Variants in ARID3A observed in about 807,000 individuals in gnomAD.
The protein encoded by ARID3A is AT-rich interaction domain 3A.
A neutral mutation model predicts 52.7 loss-of-function variants in ARID3A; 11 were observed. That is an observed-to-expected ratio of 0.21 (90% CI 0.13 to 0.35). ARID3A has a LOEUF of 0.35. Among genes scored for constraint, ARID3A ranks in the 10% least tolerant of loss-of-function variants. ARID3A has a pLI of 1.00. For synonymous variants in ARID3A, 404 were observed against 359.4 expected, an observed-to-expected ratio of 1.12 and a Z score of -1.40; for missense variants, 721 against 838.5, an observed-to-expected ratio of 0.86 and a Z score of 1.73.
Position 939,723 on chromosome 19 carries a change from G to A in ARID3A, c.693+6981G>A, listed in dbSNP as rs376891142. 3.2e-4 allele frequency among the ~76,000 whole-genome samples: 49 copies of A among 152,188 alleles called. No homozygotes were observed. The South Asian group carries it at 8.7e-3, about 27-fold the overall frequency. The stretch of plus-strand genomic sequence containing the variant: ...CCTGGTTCTTTTCAGCTGTATGGAC[G>A]TTCCCCTCGTGGCGCTGGACACCCC... On this transcript the variant is annotated intron_variant, in intron 3 of 8. Transcript: ENST00000263620.
At chr19:930,369 T>A (rs370213651) in intron 2 of ARID3A, among the ~76,000 whole-genome samples, 71 of 151,000 alleles carry the variant, frequency 4.7e-4, no homozygotes, top group South Asian at 1.1e-3. Context: ...CCGGCCAACA[T>A]GGCGAAACCC....
chr19:952,325 C>G, intron 3 of ARID3A, among the ~76,000 whole-genome samples: 1 of 149,812 alleles, frequency 6.7e-6, no homozygotes, highest in Non-Finnish European at 1.5e-5. Flanking sequence ...GCCTGGGGTC[C>G]CAACTACTCC....
chr19:962,528 T>TG (rs2038063950), intron 4 of ARID3A, among the ~76,000 whole-genome samples: 1 of 150,628 alleles, frequency 6.6e-6, no homozygotes, highest in South Asian at 2.1e-4. Context: ...TTTTTTTTTT[T>TG]TTTGAGACAG....
At chr19:952,441 CAAAA>C (rs10663796) in intron 3 of ARID3A, among the ~76,000 whole-genome samples, 66 of 59,768 alleles carry the variant, frequency 1.1e-3, no homozygotes, top group Admixed American at 2.2e-3. Context: ...GACCCTGTCT[CAAAA>C]AAAAAAAAAA....
chr19:964,735 G>A lies in ARID3A; in HGVS notation c.951-98G>A. 6.7e-7 allele frequency: 1 copy of A among 1,498,252 alleles called. No homozygotes were observed. The highest frequency in any genetic ancestry group is 1.8e-4 in the Middle Eastern group (1 of 5,644). The allele number at this position is 1,498,252 out of a possible 1,614,324, so 92.8% of individuals were successfully genotyped here. A position where few individuals can be genotyped will look rare whatever the true frequency, so the allele number is the denominator to read the frequency against. Reference sequence around the variant, plus strand: ...TGAGCAAGTCCAAGGGAAGAACCAGGGATGGTGGTGCCACAGTGGGGTTTA... The same window carrying A: ...TGAGCAAGTCCAAGGGAAGAACCAGAGATGGTGGTGCCACAGTGGGGTTTA... On this transcript the variant is annotated intron_variant, in intron 5 of 8. Coordinates refer to ENST00000263620, the MANE Select transcript of ARID3A (RefSeq NM_005224.3). The surrounding 1 kb of genome is among the most constrained non-coding windows in gnomAD (Gnocchi z 5.7).
chr19:939,044 C>T (rs2037491994), intron 3 of ARID3A, among the ~76,000 whole-genome samples: 1 of 151,256 alleles, frequency 6.6e-6, no homozygotes, highest in African/African-American at 2.4e-5. Context: ...CATTCTCCTG[C>T]CTCAGCCTCC....
At position 966,816 on chromosome 19, in the gene ARID3A, C is replaced by A; in HGVS notation, c.1443C>A (p.Asn481Lys). ...TGATGCAACGTGCACTCCAGCAGAA[C>A]TTCCTGGCCATGGCGGCCCAGCTGC... ...QRLMQRALQQ[N>K]FLAMAAQLPM... The change falls in exon 7 of 9, where the codon AAC becomes AAA. Residue 481 changes from asparagine (N) to lysine (K), a missense_variant. By Grantham distance (94) the Asn-to-Lys change is moderately conservative. Coordinates refer to ENST00000263620, the MANE Select transcript of ARID3A (RefSeq NM_005224.3). 6.2e-7 allele frequency: 1 copy of A among 1,613,558 alleles called. No homozygotes were observed. Among genetic ancestry groups the A allele is most frequent in the Non-Finnish European group, 8.5e-7 (1 of 1,179,880 alleles).
chr19:970,946 C>T (rs573372313), intron 8 of ARID3A, among the ~76,000 whole-genome samples: 2 of 152,136 alleles, frequency 1.3e-5, no homozygotes, highest in East Asian at 1.9e-4. Flanking sequence ...TTGAGGGGTC[C>T]GTGCCCTCCG....
At chr19:968,804 A>C (rs2038218299) in intron 8 of ARID3A, 2 of 237,752 alleles carry the variant, frequency 8.4e-6, no homozygotes, top group Non-Finnish European at 8.2e-6. Context: ...ATGCACCAGC[A>C]CACCTGGTTA....
At chr19:970,863 A>G (rs2038264484) in intron 8 of ARID3A, among the ~76,000 whole-genome samples, 1 of 152,148 alleles carries the variant, frequency 6.6e-6, no homozygotes, top group Non-Finnish European at 1.5e-5. Context: ...GCCTTGTTGC[A>G]GGCCCCCGCC....
chr19:961,396 G>C (rs1296410199), intron 4 of ARID3A, among the ~76,000 whole-genome samples: 2 of 152,346 alleles, frequency 1.3e-5, no homozygotes, highest in African/African-American at 4.8e-5. Flanking sequence ...CCAGACCCGG[G>C]ACCTGGGCGG....
chr19:958,448 A>C (rs547634143), intron 3 of ARID3A, among the ~76,000 whole-genome samples: 43 of 147,444 alleles, frequency 2.9e-4, no homozygotes, highest in Non-Finnish European at 6.0e-4. Flanking sequence ...AAAAAAAAGA[A>C]GAAAGAAAAA....
Position 960,567 on chromosome 19 carries a change from G to A in ARID3A, c.766+403G>A, listed in dbSNP as rs1439271926. Among the ~76,000 whole-genome samples, 1 of 152,048 alleles carries A rather than the reference G, an allele frequency of 6.6e-6. No homozygotes were observed. Among genetic ancestry groups the A allele is most frequent in the African/African-American group, 2.4e-5 (1 of 41,398 alleles). ...TCGGGCTGGCCAGGTGGGTGCAGGT[G>A]CGGCAGGACAGAAGCCCCCCGCCCG... On this transcript the variant is annotated intron_variant, in intron 4 of 8. Transcript: ENST00000263620. This position sits in a 1 kb window ranked among gnomAD's most constrained non-coding sequence, Gnocchi z 4.3.
chr19:944,406 C>T lies in ARID3A; in HGVS notation c.693+11664C>T, dbSNP rs1034599166. Among the ~76,000 whole-genome samples the T allele has an allele frequency of 3.3e-5, 5 of 151,910 alleles. No homozygotes were observed. The highest frequency in any genetic ancestry group is 2.1e-4 in the South Asian group (1 of 4,822). On this transcript the variant is annotated intron_variant, in intron 3 of 8. Transcript: ENST00000263620. The surrounding 1 kb of genome is among the most constrained non-coding windows in gnomAD (Gnocchi z 5.9). Reference sequence around the variant, plus strand: ...CGGAGGCCTGTCTGGGTAGGAGTGTCGGTGGGGGCGGTCCCACACGGCCAT... The same window carrying T: ...CGGAGGCCTGTCTGGGTAGGAGTGTTGGTGGGGGCGGTCCCACACGGCCAT...
At position 964,540 on chromosome 19, in the gene ARID3A, A is replaced by T; in HGVS notation, c.950+109A>T. 1.4e-6 allele frequency: 2 copies of T among 1,398,966 alleles called. No individual in the cohort carries two copies. Among genetic ancestry groups the T allele is most frequent in the Non-Finnish European group, 1.9e-6 (2 of 1,047,984 alleles). The allele number at this position is 1,398,966 out of a possible 1,614,324, so 86.7% of individuals were successfully genotyped here. A position where few individuals can be genotyped will look rare whatever the true frequency, so the allele number is the denominator to read the frequency against. On this transcript the variant is annotated intron_variant, in intron 5 of 8. Coordinates refer to ENST00000263620, the MANE Select transcript of ARID3A (RefSeq NM_005224.3). The surrounding 1 kb of genome is among the most constrained non-coding windows in gnomAD (Gnocchi z 5.7). ...GGTGGGCAGCTGCAGAGGAGGGGGC[A>T]GTGGGCAGCCGCAAAGGGCACAGGG... is the stretch of plus-strand genomic sequence containing the variant.
At chr19:966,966 A>AG (rs5826712) in intron 7 of ARID3A, 98 bp downstream of exon 7, 1,103,037 of 1,316,752 alleles carry the variant, frequency 0.84, 464,089 homozygotes, top group Middle Eastern at 0.88. Flanking sequence ...CAAATCAATA[A>AG]GAAAAAAAAA....
chr19:930,511 G>GTT (rs79154229), intron 2 of ARID3A, among the ~76,000 whole-genome samples: 12 of 134,834 alleles, frequency 8.9e-5, no homozygotes, highest in East Asian at 2.2e-4. Flanking sequence ...AAGAATGTGG[G>GTT]TTTTTTTTTT....
At position 929,832 on chromosome 19, in the gene ARID3A, C is replaced by G. The variant is rs925892527; in HGVS notation, c.304C>G (p.Pro102Ala). Residue 102 changes from proline to alanine, a missense_variant, in exon 2 of 9, where the codon CCC (proline) becomes GCC (alanine). Pro to Ala is a conservative substitution (Grantham distance 27). This residue lies in a region of ARID3A where 349 missense variants were observed against 297.3 expected (regional missense o/e 1.17). Transcript: ENST00000263620. The surrounding 1 kb of genome is among the most constrained non-coding windows in gnomAD (Gnocchi z 6.2). ...GGCCCGGGAGGGGACACCGGGCTCACCCGGGCGAGGCAGAGAAGGGCCAGG... is the reference window on the plus strand; with the variant it reads ...GGCCCGGGAGGGGACACCGGGCTCAGCCGGGCGAGGCAGAGAAGGGCCAGG... ...DAAREGTPGS[P>A]GRGREGPGEE... 4 of 1,545,220 alleles carry G rather than the reference C, an allele frequency of 2.6e-6. No homozygotes were observed. Among genetic ancestry groups the G allele is most frequent in the African/African-American group, 1.4e-5 (1 of 73,122 alleles).
chr19:937,960 G>A (rs532878842), intron 3 of ARID3A, among the ~76,000 whole-genome samples: 6 of 151,372 alleles, frequency 4.0e-5, no homozygotes, highest in African/African-American at 1.2e-4. Context: ...CGCCCGCCTC[G>A]GCCTCCCAAA....
Sources: allele counts gnomAD v4.1 joint callset (sites outside exome capture counted in the v4.1 genomes callset), GRCh38; gene constraint gnomAD v4.1.1; regional missense constraint gnomAD v4.1.1; non-coding constraint Gnocchi (gnomAD v3.1); transcripts MANE v1.5; gene names NCBI Gene and HGNC (gene_info 2026-07-23, HGNC 2026-07-21).